CFAP47: variants seen among roughly 807,000 people sequenced by gnomAD.
CFAP47 encodes the protein cilia- and flagella-associated protein 47.
CFAP47 carries 29 observed loss-of-function variants against 148.1 expected under a neutral mutation model. That is an observed-to-expected ratio of 0.20 (90% CI 0.15 to 0.27). The LOEUF (loss-of-function observed/expected upper bound fraction) is 0.27, where lower values mean the gene tolerates loss of function less well. CFAP47 is among the 10% of genes least tolerant of loss of function. The pLI is 1.00. For missense variants in CFAP47, 1,872 were observed against 1,697.5 expected (o/e 1.10, Z -1.81); for synonymous variants, 664 against 577.3 (o/e 1.15, Z -2.15).
At chrX:36,098,345 G>A (rs955004422) in intron 30 of CFAP47, among the ~76,000 whole-genome samples, 1 of 111,207 alleles carries the variant, frequency 9.0e-6, no homozygotes, top group African/African-American at 3.3e-5. Context: ...ATGTTTTCCT[G>A]TATCATCTTG....
intron 45 of CFAP47, among the ~76,000 whole-genome samples, chrX:36,221,060 A>G (rs868935478): frequency 2.8e-4 from 31 of 111,978 alleles, no homozygotes; most frequent in African/African-American, 1.0e-3. Flanking sequence ...GATTTTGGTA[A>G]AAGAACAAGT....
chrX:36,371,830 A>G (rs1483476511), intron 62 of CFAP47, among the ~76,000 whole-genome samples: 4 of 65,376 alleles, frequency 6.1e-5, no homozygotes, highest in South Asian at 9.6e-4. Flanking sequence ...ATATACACAC[A>G]TGTGTGTATA....
intron 22 of CFAP47, among the ~76,000 whole-genome samples, chrX:36,021,624 C>T (rs937514811): frequency 1.8e-5 from 2 of 110,586 alleles, no homozygotes; most frequent in Non-Finnish European, 3.8e-5. Flanking sequence ...AGGTTTTAAG[C>T]CCCAAATGCA....
intron 57 of CFAP47, among the ~76,000 whole-genome samples, chrX:36,325,718 G>T (rs1556012910): frequency 2.7e-5 from 3 of 110,928 alleles, no homozygotes; most frequent in Non-Finnish European, 5.7e-5. Context: ...AAGATGCCAG[G>T]ATTTTACACA....
intron 56 of CFAP47, among the ~76,000 whole-genome samples, chrX:36,318,295 GAATT>G: frequency 8.9e-6 from 1 of 112,059 alleles, no homozygotes; most frequent in South Asian, 3.7e-4. Flanking sequence ...TTTTAATAGA[GAATT>G]AATAAACATT....
chrX:36,275,280 C>G (rs1941002805), intron 49 of CFAP47, among the ~76,000 whole-genome samples: 2 of 109,393 alleles, frequency 1.8e-5, no homozygotes, highest in African/African-American at 6.7e-5. Context: ...TGCCATGTTG[C>G]TCAGGCTGGT....
intron 29 of CFAP47, among the ~76,000 whole-genome samples, chrX:36,076,424 G>A (rs1034312076): frequency 2.0e-5 from 2 of 100,034 alleles, no homozygotes; most frequent in African/African-American, 7.4e-5. Flanking sequence ...TTTAGTAATA[G>A]CCATTCTGAC....
chrX:36,296,688 C>G (rs1556006792), intron 51 of CFAP47, among the ~76,000 whole-genome samples: 1 of 112,203 alleles, frequency 8.9e-6, no homozygotes, highest in Non-Finnish European at 1.9e-5. Context: ...CTGATCTTCT[C>G]TGAATAATGT....
intron 51 of CFAP47, among the ~76,000 whole-genome samples, chrX:36,294,643 C>T (rs1556006124): frequency 1.8e-5 from 2 of 110,240 alleles, no homozygotes; most frequent in East Asian, 2.9e-4. Flanking sequence ...ACCCAGGAGG[C>T]GGAGCTTGCA....
At chrX:35,941,072 C>A (rs1936001446) in intron 2 of CFAP47, among the ~76,000 whole-genome samples, 1 of 111,597 alleles carries the variant, frequency 9.0e-6, no homozygotes, top group African/African-American at 3.3e-5. Context: ...CATAAAGTCT[C>A]ATTTCTTTGT....
At chrX:36,092,836 A>G (rs1258558138) in intron 30 of CFAP47, among the ~76,000 whole-genome samples, 1 of 110,394 alleles carries the variant, frequency 9.1e-6, no homozygotes, top group East Asian at 2.8e-4. Context: ...GTTATCCAAT[A>G]CTACACTTTA....
intron 21 of CFAP47, among the ~76,000 whole-genome samples, chrX:36,002,901 G>A (rs772621491): frequency 9.0e-6 from 1 of 110,754 alleles, no homozygotes; most frequent in Non-Finnish European, 1.9e-5. Flanking sequence ...GCTTTCAGAT[G>A]GAAAAAATAA....
At position 35,975,149 on chromosome X, in the gene CFAP47, C is replaced by T; in HGVS notation, c.2257C>T (p.Pro753Ser). 1 of 1,093,416 alleles carries T rather than the reference C, an allele frequency of 9.1e-7. No homozygotes were observed. The highest frequency in any genetic ancestry group is 1.2e-6 in the Non-Finnish European group (1 of 821,523). 90.1% of individuals were successfully genotyped at this position (1,093,416 alleles called of 1,213,427 possible). The change falls in exon 14 of 64, where the codon CCT becomes TCT. Residue 753 changes from proline (P) to serine (S), a missense_variant and splice_region_variant. Coordinates refer to ENST00000378653, the MANE Select transcript of CFAP47 (RefSeq NM_001304548.2). ...PKQIHQVIVG[P>S]SVLNFGNICV... Reference sequence around the variant, plus strand: ...AAATACTTTTCATTTTTTTTCAGGGCCTTCTGTCCTTAACTTTGGTAATAT... The same window carrying T: ...AAATACTTTTCATTTTTTTTCAGGGTCTTCTGTCCTTAACTTTGGTAATAT...
intron 26 of CFAP47, among the ~76,000 whole-genome samples, chrX:36,049,488 T>TCTCTTACACA (rs751788515): frequency 2.5e-3 from 228 of 92,279 alleles, no homozygotes; most frequent in African/African-American, 8.2e-3. Context: ...TTTCTCTCTC[T>TCTCTTACACA]CACACACACA....
chrX:36,270,926 T>TTTTTTTTTTTTTTTTTTTTTTTTTTG (rs1556001743), intron 49 of CFAP47, among the ~76,000 whole-genome samples: 1 of 110,278 alleles, frequency 9.1e-6, no homozygotes, highest in African/African-American at 3.3e-5. Context: ...GTGGTTTTAA[T>TTTTTTTTTTTTTTTTTTTTTTTTTTG]AGCTATCTGA....
At chrX:35,924,998 C>G (rs1044961889) in intron 1 of CFAP47, among the ~76,000 whole-genome samples, 5 of 111,188 alleles carry the variant, frequency 4.5e-5, no homozygotes, top group Non-Finnish European at 9.4e-5. Flanking sequence ...AAATGTTGGT[C>G]AAAGGGTACA....
chrX:36,156,320 G>A (rs2146846738), intron 37 of CFAP47, among the ~76,000 whole-genome samples: 1 of 110,847 alleles, frequency 9.0e-6, no homozygotes, highest in East Asian at 2.8e-4. Context: ...AGTTAATAAT[G>A]TCTCTTTCTG....
chrX:36,336,236 G>GAC (rs1941604499), intron 57 of CFAP47, among the ~76,000 whole-genome samples: 1 of 31,242 alleles, frequency 3.2e-5, no homozygotes, highest in South Asian at 1.3e-3. Flanking sequence ...CTCTGTCACA[G>GAC]ACACACAGAC....
At chrX:35,944,600 G>A (rs1951184998) in intron 3 of CFAP47, among the ~76,000 whole-genome samples, 1 of 111,586 alleles carries the variant, frequency 9.0e-6, no homozygotes, top group African/African-American at 3.3e-5. Context: ...TGGGGTACAT[G>A]ACAACTGATT....
Sources: gnomAD v4.1 joint callset for allele counts (sites outside exome capture counted in the v4.1 genomes callset) on GRCh38, gnomAD v4.1.1 for gene constraint, MANE v1.5 for transcripts, NCBI Gene and HGNC (gene_info 2026-07-23, HGNC 2026-07-21) for gene names.